GPHN: variants seen among roughly 807,000 people sequenced by gnomAD.
GPHN encodes gephyrin.
In GPHN, 17 loss-of-function variants were observed where a neutral mutation model predicts 95.5. The ratio of observed to expected loss-of-function variants is 0.18; its 90% CI spans 0.12 to 0.27. GPHN has a LOEUF of 0.27. GPHN is among the 10% of genes least tolerant of loss of function. GPHN has a pLI of 1.00. For missense variants in GPHN, 660 were observed against 978.1 expected, an observed-to-expected ratio of 0.67 and a Z score of 4.34; for synonymous variants, 320 against 322.5, an observed-to-expected ratio of 0.99 and a Z score of 0.08.
chr14:67,483,710 AC>A, the GPHN span, among the ~76,000 whole-genome samples: 3 of 152,024 alleles, frequency 2.0e-5, no homozygotes, highest in Non-Finnish European at 2.9e-5. Context: ...GACACACACA[AC>A]CCAGAGGCCC....
the GPHN span, chr14:67,600,137 A>G: frequency 1.3e-6 from 2 of 1,594,922 alleles, no homozygotes; most frequent in Admixed American, 1.7e-5. Flanking sequence ...CAGGACGGGG[A>G]GTAGTAGCGG....
chr14:66,766,895 A>G (rs1326908894), intron 2 of GPHN, among the ~76,000 whole-genome samples: 1 of 152,066 alleles, frequency 6.6e-6, no homozygotes, highest in African/African-American at 2.4e-5. Flanking sequence ...CAGTGATTTT[A>G]CCAACTATAG....
the GPHN span, chr14:67,593,940 G>A: frequency 1.9e-6 from 3 of 1,609,886 alleles, no homozygotes; most frequent in Non-Finnish European, 2.5e-6. Context: ...GCAGCAGAGA[G>A]GATCATGCTG....
chr14:67,651,521 G>C, the GPHN span: 3 of 1,607,168 alleles, frequency 1.9e-6, no homozygotes, highest in African/African-American at 4.0e-5. Context: ...CAGAAGTTTG[G>C]ATAACCTTCC....
At chr14:67,336,552 A>G in the GPHN span, 1 of 352,644 alleles carries the variant, frequency 2.8e-6, no homozygotes, top group Non-Finnish European at 5.6e-6. Context: ...GTGGAAAACC[A>G]CTAATCTGGA....
the GPHN span, among the ~76,000 whole-genome samples, chr14:67,432,354 C>T: frequency 3.9e-3 from 592 of 152,372 alleles, 3 homozygotes; most frequent in African/African-American, 0.013. Flanking sequence ...ACACTGCCTT[C>T]CTTGGCGAAC....
chr14:67,087,567 G>T (rs2076957968), intron 11 of GPHN, among the ~76,000 whole-genome samples: 1 of 152,148 alleles, frequency 6.6e-6, no homozygotes, highest in Non-Finnish European at 1.5e-5. Context: ...AATCTGCTAA[G>T]TTCTCCCTTC....
chr14:67,648,971 G>A, the GPHN span: 2 of 152,194 alleles, frequency 1.3e-5, no homozygotes, highest in African/African-American at 4.8e-5. Context: ...AACTCACATT[G>A]AGAAATGGTC....
chr14:67,200,239 A>C, the GPHN span: 2 of 948,634 alleles, frequency 2.1e-6, no homozygotes, highest in Non-Finnish European at 3.1e-6. Context: ...CCCACACCCT[A>C]TGGCTACCAG....
At chr14:67,124,507 G>C (rs1455558760) in intron 17 of GPHN, among the ~76,000 whole-genome samples, 2 of 152,144 alleles carry the variant, frequency 1.3e-5, no homozygotes, top group Non-Finnish European at 2.9e-5. Context: ...TATCCTTTAA[G>C]ATACAAGTAC....
chr14:66,700,883 C>T (rs1157325935), intron 2 of GPHN, among the ~76,000 whole-genome samples: 6 of 151,948 alleles, frequency 3.9e-5, no homozygotes, highest in African/African-American at 1.2e-4. Context: ...GATTGCACCA[C>T]TGCACTCCAG....
intron 9 of GPHN, among the ~76,000 whole-genome samples, chr14:66,989,917 G>A (rs965804099): frequency 1.2e-4 from 18 of 152,076 alleles, no homozygotes; most frequent in Non-Finnish European, 1.9e-4. Context: ...TGATGATTTT[G>A]TTTCATGAAA....
chr14:67,178,764 G>C (rs1420587914), intron 21 of GPHN, among the ~76,000 whole-genome samples: 1 of 152,128 alleles, frequency 6.6e-6, no homozygotes, highest in Non-Finnish European at 1.5e-5. Flanking sequence ...CAACCCAAAA[G>C]ATCCTTCCCA....
intron 8 of GPHN, among the ~76,000 whole-genome samples, chr14:66,945,670 C>T (rs373353723): frequency 2.0e-5 from 3 of 152,068 alleles, no homozygotes; most frequent in East Asian, 1.9e-4. Flanking sequence ...GCAAAAGATT[C>T]GAATAGACAT....
intron 3 of GPHN, among the ~76,000 whole-genome samples, chr14:66,788,925 C>T (rs1441248961): frequency 2.0e-5 from 3 of 152,152 alleles, no homozygotes; most frequent in Non-Finnish European, 4.4e-5. Context: ...GTGATCCACC[C>T]ACCTCAGCCT....
At chr14:66,974,674 T>A (rs1290683674) in intron 9 of GPHN, among the ~76,000 whole-genome samples, 4 of 152,098 alleles carry the variant, frequency 2.6e-5, no homozygotes, top group African/African-American at 4.8e-5. Flanking sequence ...TTGGAAAAAA[T>A]TTTTAAAATT....
chr14:66,757,302 A>C (rs899361341), intron 2 of GPHN, among the ~76,000 whole-genome samples: 3 of 152,074 alleles, frequency 2.0e-5, no homozygotes, highest in African/African-American at 4.8e-5. Flanking sequence ...TATGCACAAT[A>C]GTGTGTATAC....
chr14:66,574,383 T>C (rs1158837190), intron 1 of GPHN, among the ~76,000 whole-genome samples: 1 of 152,246 alleles, frequency 6.6e-6, no homozygotes, highest in African/African-American at 2.4e-5. Context: ...TCTATGGTTA[T>C]TTTACTGCTT....
chr14:67,173,489 A>G (rs1342160634), intron 21 of GPHN, among the ~76,000 whole-genome samples: 2 of 152,168 alleles, frequency 1.3e-5, no homozygotes, highest in African/African-American at 2.4e-5. Context: ...CATGGAAACT[A>G]TACCACTATA....
Sources: gnomAD v4.1 joint callset for allele counts (sites outside exome capture counted in the v4.1 genomes callset) on GRCh38, gnomAD v4.1.1 for gene constraint, MANE v1.5 for transcripts, NCBI Gene and HGNC (gene_info 2026-07-23, HGNC 2026-07-21) for gene names.